Variants in ZBTB20 observed in about 807,000 individuals in gnomAD.
The protein encoded by ZBTB20 is zinc finger and BTB domain-containing protein 20.
Under a neutral mutation model 56.9 loss-of-function variants are expected in ZBTB20, and 9 were observed. The observed-to-expected ratio is 0.16, with a 90% CI of 0.10 to 0.28. ZBTB20 has a LOEUF of 0.28. ZBTB20 is among the 10% of genes least tolerant of loss of function. The probability of loss-of-function intolerance (pLI) is 1.00; values close to 1 mark genes in which losing one functional copy is unlikely to be tolerated. For synonymous variants in ZBTB20, 417 were observed against 420.7 expected, an observed-to-expected ratio of 0.99 and a Z score of 0.11; for missense variants, 655 against 1,003.0, an observed-to-expected ratio of 0.65 and a Z score of 4.69.
chr3:114,442,936 T>G (rs977439869), intron 7 of ZBTB20, among the ~76,000 whole-genome samples: 3 of 152,188 alleles, frequency 2.0e-5, no homozygotes, highest in Non-Finnish European at 4.4e-5. Context: ...AACAGAAATG[T>G]GTAGCTGAAC....
rs989614476 is a variant in ZBTB20 at position 114,780,300 on chromosome 3, G to A, written c.-343+20801C>T. ...AAGCCTACTTTAAGTTTTTCATTAAGACAAAAATGGTTGTTATATGAAGAG... is the reference window on the plus strand; with the variant it reads ...AAGCCTACTTTAAGTTTTTCATTAAAACAAAAATGGTTGTTATATGAAGAG... On this transcript the variant is annotated intron_variant, in intron 5 of 11. Coordinates refer to ENST00000675478, the MANE Select transcript of ZBTB20 (RefSeq NM_001348800.3). Among the ~76,000 whole-genome samples the A allele has an allele frequency of 4.6e-5, 7 of 152,044 alleles. No individual in the cohort carries two copies. The East Asian group carries it at 7.7e-4, about 17-fold the overall frequency.
intron 7 of ZBTB20, among the ~76,000 whole-genome samples, chr3:114,441,160 T>C (rs2090895429): frequency 6.6e-6 from 1 of 152,144 alleles, no homozygotes; most frequent in Admixed American, 6.5e-5. Context: ...GCTTAGAAAA[T>C]ACAATTTTAT....
At chr3:114,513,523 A>G (rs1445577880) in intron 6 of ZBTB20, among the ~76,000 whole-genome samples, 1 of 152,168 alleles carries the variant, frequency 6.6e-6, no homozygotes, top group African/African-American at 2.4e-5. Context: ...AATGGGTCCA[A>G]GTCCCCTGGG....
intron 6 of ZBTB20, among the ~76,000 whole-genome samples, chr3:114,640,645 A>G (rs2059509723): frequency 6.6e-6 from 1 of 152,062 alleles, no homozygotes; most frequent in Non-Finnish European, 1.5e-5. Context: ...TTTGGATGAT[A>G]AAATATGGGG....
intron 2 of ZBTB20, among the ~76,000 whole-genome samples, chr3:115,002,548 A>G (rs925024190): frequency 4.6e-5 from 7 of 151,696 alleles, no homozygotes; most frequent in African/African-American, 1.7e-4. Flanking sequence ...CTGAACAGAC[A>G]TCTCACCAAA....
At chr3:114,436,032 T>C (rs560556344) in intron 7 of ZBTB20, among the ~76,000 whole-genome samples, 1 of 152,310 alleles carries the variant, frequency 6.6e-6, no homozygotes, top group African/African-American at 2.4e-5. Flanking sequence ...TACCACCTCC[T>C]GTAACTGGAG....
At chr3:114,987,691 G>T (rs1282668901) in intron 2 of ZBTB20, among the ~76,000 whole-genome samples, 2 of 152,126 alleles carry the variant, frequency 1.3e-5, no homozygotes, top group African/African-American at 4.8e-5. Flanking sequence ...ACACAGTCAA[G>T]CTGACAGTCA....
chr3:114,430,106 T>A (rs2090009184), intron 7 of ZBTB20, among the ~76,000 whole-genome samples: 1 of 152,150 alleles, frequency 6.6e-6, no homozygotes, highest in South Asian at 2.1e-4. Context: ...ATGAATACAA[T>A]TAGTTTAAGT....
At chr3:114,735,082 C>A (rs2066048969) in intron 5 of ZBTB20, among the ~76,000 whole-genome samples, 2 of 151,756 alleles carry the variant, frequency 1.3e-5, no homozygotes, top group South Asian at 4.2e-4. Flanking sequence ...CTGCTATATT[C>A]CCCATACAAA....
In ZBTB20 at chr3:114,320,372, A is replaced by G. The variant is rs2078851563; in HGVS notation, c.*18633T>C. On this transcript the variant is annotated 3_prime_UTR_variant, in exon 12 of 12. Transcript: ENST00000675478. ...GTTTCCCCCCATCTTTCTAAAGGAA[A>G]TGACTAACAAAAGTACAATACAATA... 6.6e-6 allele frequency: 1 copy of G among 152,220 alleles called. No individual in the cohort carries two copies. The highest frequency in any genetic ancestry group is 2.1e-4 in the South Asian group (1 of 4,834). 9.4% of individuals were successfully genotyped at this position (152,220 alleles called of 1,614,324 possible).
At position 114,380,821 on chromosome 3, in the gene ZBTB20, T is replaced by C; in HGVS notation, c.-34A>G. The C allele has an allele frequency of 1.3e-6, 2 of 1,494,224 alleles. No homozygotes were observed. Among genetic ancestry groups the C allele is most frequent in the East Asian group, 5.1e-5 (2 of 39,506 alleles). The allele number at this position is 1,494,224 out of a possible 1,614,324, so 92.6% of individuals were successfully genotyped here. Reference sequence around the variant, plus strand: ...AAGCTTAGAGACAGGACTCGTGGAGTAATGGGAGGAGCACTGGACTGGGAG... The same window carrying C: ...AAGCTTAGAGACAGGACTCGTGGAGCAATGGGAGGAGCACTGGACTGGGAG... On this transcript the variant is annotated 5_prime_UTR_variant, in exon 9 of 12. Transcript: ENST00000675478.
At chr3:114,868,818 A>G (rs956893396) in intron 4 of ZBTB20, among the ~76,000 whole-genome samples, 1 of 152,016 alleles carries the variant, frequency 6.6e-6, no homozygotes, top group African/African-American at 2.4e-5. Flanking sequence ...ATTATTTTTT[A>G]CTCTTATCAT....
chr3:114,886,013 G>A (rs1451244014), intron 4 of ZBTB20, among the ~76,000 whole-genome samples: 1 of 152,168 alleles, frequency 6.6e-6, no homozygotes, highest in African/African-American at 2.4e-5. Flanking sequence ...GGTGGAAAGG[G>A]TCAGCAAATG....
intron 6 of ZBTB20, among the ~76,000 whole-genome samples, chr3:114,563,138 G>A (rs140707485): frequency 1.3e-5 from 2 of 152,060 alleles, no homozygotes; most frequent in South Asian, 4.2e-4. Flanking sequence ...AATAGAAAGA[G>A]GTATGCTTCT....
chr3:114,482,520 T>G (rs1416209144), intron 7 of ZBTB20, among the ~76,000 whole-genome samples: 1 of 152,232 alleles, frequency 6.6e-6, no homozygotes, highest in African/African-American at 2.4e-5. Context: ...GTAGATTTTC[T>G]GAATAGGAGA....
intron 5 of ZBTB20, among the ~76,000 whole-genome samples, chr3:114,711,720 A>G (rs1408689650): frequency 6.6e-6 from 1 of 152,142 alleles, no homozygotes; most frequent in Non-Finnish European, 1.5e-5. Context: ...CTATACTTTT[A>G]TACTATTTAT....
chr3:114,380,835 C>T lies in ZBTB20; in HGVS notation c.-48G>A. ...GACTCGTGGAGTAATGGGAGGAGCA[C>T]TGGACTGGGAGTCAGGAGACTTGAG... On this transcript the variant is annotated 5_prime_UTR_variant, in exon 9 of 12. The change creates a new upstream start codon in the 5' untranslated region. Coordinates refer to ENST00000675478, the MANE Select transcript of ZBTB20 (RefSeq NM_001348800.3). 1 of 1,469,090 alleles carries T rather than the reference C, an allele frequency of 6.8e-7. No homozygotes were observed. Among genetic ancestry groups the T allele is most frequent in the Non-Finnish European group, 8.9e-7 (1 of 1,117,950 alleles). 91.0% of individuals were successfully genotyped at this position (1,469,090 alleles called of 1,614,324 possible).
intron 3 of ZBTB20, among the ~76,000 whole-genome samples, chr3:114,910,967 C>G (rs746324924): frequency 8.6e-5 from 13 of 152,040 alleles, no homozygotes; most frequent in Non-Finnish European, 1.6e-4. Flanking sequence ...CACTAAGCTT[C>G]ATGTCTTTCA....
intron 6 of ZBTB20, among the ~76,000 whole-genome samples, chr3:114,673,823 A>C (rs922922929): frequency 2.0e-5 from 3 of 152,206 alleles, no homozygotes; most frequent in Non-Finnish European, 4.4e-5. Context: ...ATACGTTCAT[A>C]ATGTATCCCC....
Sources: gnomAD v4.1 joint callset for allele counts (sites outside exome capture counted in the v4.1 genomes callset) on GRCh38, gnomAD v4.1.1 for gene constraint, MANE v1.5 for transcripts, NCBI Gene and HGNC (gene_info 2026-07-23, HGNC 2026-07-21) for gene names.